The following ZNF362 variants were observed in gnomAD, a reference collection of about 807,000 sequenced individuals.
The protein encoded by ZNF362 is rotund homolog.
Under a neutral mutation model 42.9 loss-of-function variants are expected in ZNF362, and 11 were observed. The ratio of observed to expected loss-of-function variants is 0.26; its 90% CI spans 0.16 to 0.42. The LOEUF is 0.42. Among genes scored for constraint, ZNF362 ranks in the 20% least tolerant of loss-of-function variants. ZNF362 has a pLI of 1.00. For synonymous variants in ZNF362, 255 were observed against 257.3 expected, an observed-to-expected ratio of 0.99 and a Z score of 0.09; for missense variants, 362 against 576.2, an observed-to-expected ratio of 0.63 and a Z score of 3.81.
At chr1:33,256,861 G>T (rs1372918951) in intron 1 of ZNF362, among the ~76,000 whole-genome samples, 2 of 149,098 alleles carry the variant, frequency 1.3e-5, no homozygotes, top group African/African-American at 2.4e-5. Flanking sequence ...GGGCGCGCGG[G>T]GTAGGAAGTG....
chr1:33,283,733 A>G (rs922295298), intron 6 of ZNF362, among the ~76,000 whole-genome samples: 1 of 152,098 alleles, frequency 6.6e-6, no homozygotes, highest in Non-Finnish European at 1.5e-5. Flanking sequence ...AAAGAATAAA[A>G]TGGTACAATG....
chr1:33,189,657 A>ATATATATATATATATATATG, the ZNF362 span, among the ~76,000 whole-genome samples: 2 of 102,008 alleles, frequency 2.0e-5, no homozygotes, highest in African/African-American at 8.1e-5. Flanking sequence ...ATATATATAT[A>ATATATATATATATATATATG]TATATATATA....
intron 1 of ZNF362, among the ~76,000 whole-genome samples, chr1:33,261,892 A>G (rs992020664): frequency 2.4e-4 from 36 of 152,170 alleles, no homozygotes; most frequent in African/African-American, 8.4e-4. Context: ...TTGGGGATCA[A>G]AGGCAGGGGA....
chr1:33,219,025 C>T, the ZNF362 span, among the ~76,000 whole-genome samples: 1 of 151,856 alleles, frequency 6.6e-6, no homozygotes, highest in Non-Finnish European at 1.5e-5. Flanking sequence ...CTTCCTTTCT[C>T]AGGAAGCCAC....
At chr1:33,236,550 A>AAAAATATATATATATATATAT in the ZNF362 span, among the ~76,000 whole-genome samples, 1 of 5,980 alleles carries the variant, frequency 1.7e-4, no homozygotes, top group African/African-American at 3.9e-4. Context: ...AAAAAAAAAA[A>AAAAATATATATATATATATAT]ATATATATAT....
the ZNF362 span, among the ~76,000 whole-genome samples, chr1:33,189,211 C>T: frequency 1.3e-4 from 20 of 152,262 alleles, no homozygotes; most frequent in South Asian, 4.1e-3. Context: ...TGTCCATAAA[C>T]CAGGCCTAAG....
the ZNF362 span, among the ~76,000 whole-genome samples, chr1:33,161,350 G>A: frequency 7.9e-5 from 12 of 152,150 alleles, no homozygotes; most frequent in African/African-American, 9.7e-5. The surrounding 1 kb of genome is among the most constrained non-coding windows in gnomAD (Gnocchi z 4.3). Context: ...ATAGAAGTGC[G>A]GCCAGGCTGC....
chr1:33,276,014 T>A (rs7514338), intron 2 of ZNF362, 86 bp from the exon 3 acceptor site: 267,037 of 1,488,910 alleles, frequency 0.18, 26,408 homozygotes, highest in African/African-American at 0.36. Context: ...ACACTGGCCC[T>A]GACTTGAGTG....
At chr1:33,172,458 CAGCTGGGGCT>C in the ZNF362 span, among the ~76,000 whole-genome samples, 1 of 151,954 alleles carries the variant, frequency 6.6e-6, no homozygotes, top group Non-Finnish European at 1.5e-5. Context: ...CTGGAAAGGC[CAGCTGGGGCT>C]AGCTAGGGTA....
chr1:33,219,514 A>G, the ZNF362 span, among the ~76,000 whole-genome samples: 2 of 152,228 alleles, frequency 1.3e-5, no homozygotes, highest in Admixed American at 6.5e-5. Context: ...ACCAGGTAGC[A>G]TGGGCAGCAG....
In ZNF362 at chr1:33,272,936, C is replaced by G. The variant is rs150927028; in HGVS notation, c.38+2324C>G. On this transcript the variant is annotated intron_variant, in intron 2 of 8. Coordinates refer to ENST00000539719, the MANE Select transcript of ZNF362 (RefSeq NM_152493.3). ...ACCTCTTCCAGGAATGTCCTTCTGC[C>G]TTGTCCCTCTGTCCTGAACACACTT... Among the ~76,000 whole-genome samples, 803 of 152,374 alleles carry G rather than the reference C, an allele frequency of 5.3e-3. 11 individuals carry two copies. The highest frequency in any genetic ancestry group is 0.016 in the South Asian group (78 of 4,834).
At chr1:33,212,566 C>CTGG in the ZNF362 span, among the ~76,000 whole-genome samples, 2,628 of 152,234 alleles carry the variant, frequency 0.017, 14 homozygotes, top group African/African-American at 0.019. Context: ...TGCTTGGCTT[C>CTGG]TGGTGAGGCC....
the ZNF362 span, among the ~76,000 whole-genome samples, chr1:33,219,768 C>G: frequency 6.6e-6 from 1 of 152,102 alleles, no homozygotes; most frequent in Non-Finnish European, 1.5e-5. Flanking sequence ...ACAGCTCTAG[C>G]CTGACCTCTC....
chr1:33,259,938 A>G (rs1645818354), intron 1 of ZNF362, among the ~76,000 whole-genome samples: 1 of 152,200 alleles, frequency 6.6e-6, no homozygotes, highest in African/African-American at 2.4e-5. Context: ...TCTGAGCCTC[A>G]GTTTCCTCAA....
chr1:33,158,690 T>C, the ZNF362 span, among the ~76,000 whole-genome samples: 1 of 152,234 alleles, frequency 6.6e-6, no homozygotes, highest in Non-Finnish European at 1.5e-5. Context: ...CAATCAGTAT[T>C]GATCACCAAC....
At chr1:33,218,978 C>CACACATACAT in the ZNF362 span, among the ~76,000 whole-genome samples, 27 of 134,448 alleles carry the variant, frequency 2.0e-4, no homozygotes, top group Middle Eastern at 3.8e-3. Context: ...CACACACACA[C>CACACATACAT]ACATACACCA....
At chr1:33,165,764 C>G in the ZNF362 span, 1 of 418,594 alleles carries the variant, frequency 2.4e-6, no homozygotes, top group Middle Eastern at 6.2e-4. The surrounding 1 kb of genome is among the most constrained non-coding windows in gnomAD (Gnocchi z 4.0). Flanking sequence ...CCGTATCTTT[C>G]ACCTGCATCT....
At chr1:33,175,132 C>T in the ZNF362 span, among the ~76,000 whole-genome samples, 3 of 151,510 alleles carry the variant, frequency 2.0e-5, no homozygotes, top group African/African-American at 7.3e-5. Context: ...CTCTGCCTCC[C>T]GGTTCAAGCG....
At chr1:33,179,380 C>T in the ZNF362 span, among the ~76,000 whole-genome samples, 1 of 152,146 alleles carries the variant, frequency 6.6e-6, no homozygotes, top group Non-Finnish European at 1.5e-5. Context: ...CTCCTGAGGC[C>T]CATGGGCATC....
Sources: gnomAD v4.1 joint callset for allele counts (sites outside exome capture counted in the v4.1 genomes callset) on GRCh38, gnomAD v4.1.1 for gene constraint, Gnocchi (gnomAD v3.1) non-coding constraint, MANE v1.5 for transcripts, NCBI Gene and HGNC (gene_info 2026-07-23, HGNC 2026-07-21) for gene names.